Variants in NAV2 observed in about 807,000 individuals in gnomAD.
NAV2 encodes the protein neuron navigator 2.
In NAV2, 54 loss-of-function variants were observed where a neutral mutation model predicts 223.2. The observed-to-expected ratio is 0.24, with a 90% confidence interval of 0.19 to 0.30. The LOEUF is 0.30. Ranked by LOEUF, NAV2 falls within the 10% of genes least tolerant of loss-of-function variation. NAV2 has a pLI of 1.00. For missense variants in NAV2, 2,806 were observed against 3,147.5 expected, an observed-to-expected ratio of 0.89 and a Z score of 2.60; for synonymous variants, 1,279 against 1,239.3, an observed-to-expected ratio of 1.03 and a Z score of -0.67.
At chr11:19,905,961 C>T (rs1591171857) in intron 6 of NAV2, among the ~76,000 whole-genome samples, 1 of 152,168 alleles carries the variant, frequency 6.6e-6, no homozygotes, top group Non-Finnish European at 1.5e-5. Flanking sequence ...GCCTTACTCA[C>T]CCCTATCTTC....
chr11:19,674,079 G>A (rs1351584454), intron 1 of NAV2, among the ~76,000 whole-genome samples: 1 of 152,228 alleles, frequency 6.6e-6, no homozygotes, highest in East Asian at 1.9e-4. Context: ...GGGCTGTGCA[G>A]CCAAGTGCCT....
At position 20,082,997 on chromosome 11, in the gene NAV2, G is replaced by A. The variant is rs2060186413; in HGVS notation, c.5326-10G>A. The A allele has an allele frequency of 6.2e-7, 1 of 1,609,554 alleles. No individual in the cohort carries two copies. The highest frequency in any genetic ancestry group is 2.2e-5 in the East Asian group (1 of 44,868). ...CCCCCGCTGTGAGACTGACAGTCTT[G>A]TATATTCAGTTACGCAGCTCCTTCA... is the stretch of plus-strand genomic sequence containing the variant. On this transcript the variant is annotated splice_polypyrimidine_tract_variant and intron_variant, in intron 25 of 37. Coordinates refer to ENST00000349880, the MANE Select transcript of NAV2 (RefSeq NM_145117.5).
At chr11:19,361,432 G>A (rs1054180614) in intron 1 of NAV2, among the ~76,000 whole-genome samples, 2 of 152,082 alleles carry the variant, frequency 1.3e-5, no homozygotes, top group Admixed American at 1.3e-4. Context: ...TCCTGGACTG[G>A]TGTGAGATTC....
chr11:19,988,229 T>C (rs1275729774), intron 11 of NAV2, among the ~76,000 whole-genome samples: 1 of 152,214 alleles, frequency 6.6e-6, no homozygotes, highest in Non-Finnish European at 1.5e-5. Flanking sequence ...GCCAGTTAGA[T>C]GCTCCTCTCG....
intron 1 of NAV2, among the ~76,000 whole-genome samples, chr11:19,618,405 G>GA: frequency 7.2e-6 from 1 of 138,664 alleles, no homozygotes; most frequent in South Asian, 2.3e-4. Flanking sequence ...TGAATAGATG[G>GA]ATGGATGGAT....
chr11:19,790,884 A>G (rs2057469925), intron 1 of NAV2, among the ~76,000 whole-genome samples: 1 of 152,018 alleles, frequency 6.6e-6, no homozygotes, highest in Non-Finnish European at 1.5e-5. Flanking sequence ...CTTTTCACTT[A>G]AAAGGAATAT....
intron 1 of NAV2, among the ~76,000 whole-genome samples, chr11:19,598,318 A>C (rs765608038): frequency 3.3e-5 from 5 of 152,250 alleles, no homozygotes; most frequent in Admixed American, 3.3e-4. Context: ...GCGAGTAGCC[A>C]TCCGTGAGCC....
chr11:20,092,393 G>A (rs1280279175), intron 28 of NAV2, 25 bp downstream of exon 28: 9 of 1,597,590 alleles, frequency 5.6e-6, no homozygotes, highest in East Asian at 2.2e-5. Flanking sequence ...GGGTTTGGGG[G>A]CAGGAATGGA....
Position 20,106,183 on chromosome 11 carries a change from GTATATATATATATATATATATATA to G in NAV2, c.6841+480_6841+503del, listed in dbSNP as rs1182631250. 1.0e-3 allele frequency among the ~76,000 whole-genome samples: 26 copies of G among 25,540 alleles called. 2 individuals carry two copies. Among genetic ancestry groups the G allele is most frequent in the African/African-American group, 2.5e-3 (24 of 9,704 alleles). 16.8% of individuals were successfully genotyped at this position (25,540 alleles called of 152,430 possible). On this transcript the variant is annotated intron_variant, in intron 35 of 37. Coordinates refer to ENST00000349880, the MANE Select transcript of NAV2 (RefSeq NM_145117.5). ...TATATATATATATATATATGTGTGT[GTATATATATATATATATATATATA>G]TATATATATATATATATATATATGC...
At chr11:20,018,353 CAAAAAAAA>C (rs34251713) in intron 11 of NAV2, among the ~76,000 whole-genome samples, 1 of 87,998 alleles carries the variant, frequency 1.1e-5, no homozygotes, top group Admixed American at 1.5e-4. Context: ...GATTCCATCT[CAAAAAAAA>C]AAAAAAAAAA....
chr11:19,389,187 G>T (rs1026349006), intron 1 of NAV2, among the ~76,000 whole-genome samples: 1 of 152,186 alleles, frequency 6.6e-6, no homozygotes, highest in Non-Finnish European at 1.5e-5. Context: ...GCAGTGACTG[G>T]CTTGCTGTCC....
At chr11:19,388,320 G>T (rs973337279) in intron 1 of NAV2, among the ~76,000 whole-genome samples, 4 of 152,182 alleles carry the variant, frequency 2.6e-5, no homozygotes, top group Admixed American at 2.0e-4. Context: ...GCAAGAACCC[G>T]ACTGTCCCAG....
intron 1 of NAV2, among the ~76,000 whole-genome samples, chr11:19,661,052 A>T (rs2048265301): frequency 6.6e-6 from 1 of 152,114 alleles, no homozygotes; most frequent in Non-Finnish European, 1.5e-5. Flanking sequence ...TAACTTTTTC[A>T]TCTTCCCAAA....
intron 1 of NAV2, among the ~76,000 whole-genome samples, chr11:19,697,974 C>T (rs1212493905): frequency 6.6e-6 from 1 of 152,134 alleles, no homozygotes; most frequent in Non-Finnish European, 1.5e-5. Context: ...CCTTGCCTAC[C>T]CAGCACTTGT....
Position 20,048,860 on chromosome 11 carries a change from C to A in NAV2, c.4035C>A (p.Gly1345=). The change falls in exon 15 of 38, where the codon GGC becomes GGA. Residue 1345 remains glycine, a synonymous_variant. Coordinates refer to ENST00000349880, the MANE Select transcript of NAV2 (RefSeq NM_145117.5). ...QGNLDSPSGS[G]VLSSGSSSPL... is the part of the protein sequence containing the mutation. ...ACCTAGACTCCCCGTCAGGCAGTGG[C>A]GTCCTGAGCAGTGGGAGCAGCAGTC... 1.2e-6 allele frequency: 2 copies of A among 1,614,172 alleles called. No individual in the cohort carries two copies. Among genetic ancestry groups the A allele is most frequent in the Non-Finnish European group, 1.7e-6 (2 of 1,180,030 alleles).
chr11:19,952,101 T>C (rs975202778), intron 10 of NAV2, among the ~76,000 whole-genome samples: 34 of 152,210 alleles, frequency 2.2e-4, no homozygotes, highest in Non-Finnish European at 4.9e-4. Flanking sequence ...ACACGCAGAG[T>C]TCAGAGCAAG....
intron 4 of NAV2, among the ~76,000 whole-genome samples, chr11:19,870,060 G>A (rs1486443609): frequency 6.6e-6 from 1 of 152,144 alleles, no homozygotes; most frequent in Non-Finnish European, 1.5e-5. Flanking sequence ...GGGACTGTAG[G>A]AATTCCTCAG....
At chr11:19,443,616 C>G (rs76577922) in intron 1 of NAV2, among the ~76,000 whole-genome samples, 8,753 of 152,308 alleles carry the variant, frequency 0.057, 330 homozygotes, top group South Asian at 0.099. Flanking sequence ...GTTTTCTTCT[C>G]TCCTCTTTCT....
intron 1 of NAV2, among the ~76,000 whole-genome samples, chr11:19,450,328 C>T (rs1019543435): frequency 8.5e-5 from 13 of 152,132 alleles, no homozygotes; most frequent in African/African-American, 3.1e-4. Context: ...ATTCCCTTCC[C>T]CTCTCATTTT....
Sources: gnomAD v4.1 joint callset for allele counts (sites outside exome capture counted in the v4.1 genomes callset) on GRCh38, gnomAD v4.1.1 for gene constraint, MANE v1.5 for transcripts, NCBI Gene and HGNC (gene_info 2026-07-23, HGNC 2026-07-21) for gene names.